SPTBN2: variants seen among roughly 807,000 people sequenced by gnomAD.
The protein encoded by SPTBN2 is spectrin beta, non-erythrocytic 2.
Under a neutral mutation model 284.2 loss-of-function variants are expected in SPTBN2, and 107 were observed. The observed-to-expected ratio is 0.38, with a 90% confidence interval of 0.32 to 0.44. The LOEUF (loss-of-function observed/expected upper bound fraction) is 0.44. SPTBN2 is among the 20% of genes least tolerant of loss of function. The probability of loss-of-function intolerance (pLI) is 1.00; values close to 1 mark genes in which losing one functional copy is unlikely to be tolerated. For synonymous variants in SPTBN2, 1,289 were observed against 1,354.8 expected, an observed-to-expected ratio of 0.95 and a Z score of 1.07; for missense variants, 2,569 against 3,287.1, an observed-to-expected ratio of 0.78 and a Z score of 5.34.
chr11:66,700,566 A>T lies in SPTBN2; in HGVS notation c.3533T>A (p.Leu1178Gln). 5.0e-6 allele frequency: 8 copies of T among 1,607,124 alleles called. No homozygotes were observed. The highest frequency in any genetic ancestry group is 6.8e-6 in the Non-Finnish European group (8 of 1,179,992). The change falls in exon 17 of 38, where the codon CTG (leucine) becomes CAG (glutamine). Residue 1178 changes from leucine (L) to glutamine (Q), a missense_variant. This residue lies in a region of SPTBN2 where 1,012 missense variants were observed against 1,248.9 expected (regional missense o/e 0.81). Coordinates refer to ENST00000533211, the MANE Select transcript of SPTBN2 (RefSeq NM_006946.4). The surrounding 1 kb of genome is among the most constrained non-coding windows in gnomAD (Gnocchi z 6.6). The part of the protein sequence containing the change: ...LAQAHGFQGF[L>Q]RDARQAEGVL... ...GCCCTCAGCCTGACGAGCATCCCGC[A>T]GGAATCCCTGGAAGCCGTGGGCCTG...
At chr11:66,688,563 G>A (rs1940312622) in intron 31 of SPTBN2, 90 bp downstream of exon 31, 2 of 1,546,482 alleles carry the variant, frequency 1.3e-6, no homozygotes, top group East Asian at 2.3e-5. Flanking sequence ...GGTGCAGTGG[G>A]AAGAGAGAAG....
chr11:66,691,702 G>C lies in SPTBN2; in HGVS notation c.5191-44C>G. The C allele has an allele frequency of 1.2e-6, 2 of 1,611,590 alleles. No homozygotes were observed. The highest frequency in any genetic ancestry group is 1.7e-6 in the Non-Finnish European group (2 of 1,179,978). ...GGACAGACCATGCCGTGATGTTAGG[G>C]GATGTGGTCCCTGCCTGATGGAGCG... On this transcript the variant is annotated intron_variant, in intron 26 of 37. Transcript: ENST00000533211. The surrounding 1 kb of genome is among the most constrained non-coding windows in gnomAD (Gnocchi z 8.0).
At chr11:66,703,362 G>T (rs1282027609) in intron 15 of SPTBN2, among the ~76,000 whole-genome samples, 1 of 152,116 alleles carries the variant, frequency 6.6e-6, no homozygotes, top group Non-Finnish European at 1.5e-5. Flanking sequence ...GATTACAGGT[G>T]TGAGCCACCA....
chr11:66,713,867 C>A, intron 7 of SPTBN2, 121 bp from the exon 8 acceptor site: 1 of 931,610 alleles, frequency 1.1e-6, no homozygotes. Flanking sequence ...AGTAGGCATC[C>A]CAAACCCACA....
intron 1 of SPTBN2, among the ~76,000 whole-genome samples, chr11:66,723,953 G>A (rs1452740864): frequency 6.6e-6 from 1 of 152,080 alleles, no homozygotes; most frequent in Non-Finnish European, 1.5e-5. Flanking sequence ...TCAGCTCTGG[G>A]ATGGACATCT....
At position 66,710,822 on chromosome 11, in the gene SPTBN2, CAGTCCTGCAGCTCCACCCTGCCCT is replaced by C; in HGVS notation, c.885+71_886-54del. ...AGTCCCAGCCACAGGGTCCCTGGCC[CAGTCCTGCAGCTCCACCCTGCCCT>C]TGCACTAGGGCAGTAAGACCCCTCA... On this transcript the variant is annotated intron_variant, in intron 9 of 37. Transcript: ENST00000533211. This position sits in a 1 kb window ranked among gnomAD's most constrained non-coding sequence, Gnocchi z 4.9. The C allele has an allele frequency of 6.2e-7, 1 of 1,612,108 alleles. No individual in the cohort carries two copies. Among genetic ancestry groups the C allele is most frequent in the South Asian group, 1.1e-5 (1 of 90,976 alleles).
chr11:66,705,845 G>A lies in SPTBN2; in HGVS notation c.1654-8C>T, dbSNP rs1166677136. On this transcript the variant is annotated splice_polypyrimidine_tract_variant and splice_region_variant and intron_variant, in intron 13 of 37. Coordinates refer to ENST00000533211, the MANE Select transcript of SPTBN2 (RefSeq NM_006946.4). ...CTGAGACTGCAGCCGGCCCTGCCAG[G>A]CACACATGAAGTGCACATGCCCGCC... The A allele has an allele frequency of 6.2e-7, 1 of 1,611,812 alleles. No homozygotes were observed. Among genetic ancestry groups the A allele is most frequent in the South Asian group, 1.1e-5 (1 of 90,866 alleles).
rs1036502577 is a variant in SPTBN2 at position 66,692,705 on chromosome 11, T to A, written c.5021A>T (p.Lys1674Met). The change falls in exon 26 of 38, where the codon AAG becomes ATG. Residue 1674 changes from lysine (K) to methionine (M), a missense_variant. Physicochemically the swap from Lys to Met is moderately conservative, Grantham distance 95. Transcript: ENST00000533211. ...CAGCTCCTTCAGGCCGGCATACAGC[T>A]TGTCCACCTGGGCTTGGCGGATGGA... ...RISIRQAQVD[K>M]LYAGLKELAG... 1.9e-6 allele frequency: 3 copies of A among 1,603,738 alleles called. No homozygotes were observed. Among genetic ancestry groups the A allele is most frequent in the Non-Finnish European group, 2.5e-6 (3 of 1,179,940 alleles).
chr11:66,720,193 G>C (rs1942330423), intron 3 of SPTBN2, among the ~76,000 whole-genome samples: 1 of 152,086 alleles, frequency 6.6e-6, no homozygotes, highest in Non-Finnish European at 1.5e-5. Context: ...TCTTCTTCTA[G>C]TGGCCAACCC....
In SPTBN2 at chr11:66,705,822, G is replaced by C. The variant is rs768299832; in HGVS notation, c.1669C>G (p.Gln557Glu). Residue 557 changes from glutamine (Q) to glutamate (E), a missense_variant, in exon 14 of 38, where the codon CAG (glutamine) becomes GAG (glutamate). Gln to Glu is a conservative substitution (Grantham distance 29). This residue lies in a region of SPTBN2 where 1,012 missense variants were observed against 1,248.9 expected (regional missense o/e 0.81). Coordinates refer to ENST00000533211, the MANE Select transcript of SPTBN2 (RefSeq NM_006946.4). Reference protein sequence around the residue: ...MEEMKGRLQSQDLGRHLAGVE... With the variant: ...MEEMKGRLQSEDLGRHLAGVE... Reference sequence around the variant, plus strand: ...CCTGCTAGGTGCCTGCCCAGGTCCTGAGACTGCAGCCGGCCCTGCCAGGCA... The same window carrying C: ...CCTGCTAGGTGCCTGCCCAGGTCCTCAGACTGCAGCCGGCCCTGCCAGGCA... 1.2e-6 allele frequency: 2 copies of C among 1,612,342 alleles called. No homozygotes were observed. The highest frequency in any genetic ancestry group is 1.1e-5 in the South Asian group (1 of 90,972).
At position 66,718,271 on chromosome 11, in the gene SPTBN2, T is replaced by C. The variant is rs1300462911; in HGVS notation, c.158-2290A>G. Among the ~76,000 whole-genome samples the C allele has an allele frequency of 6.6e-6, 1 of 152,218 alleles. No homozygotes were observed. The highest frequency in any genetic ancestry group is 2.4e-5 in the African/African-American group (1 of 41,456). On this transcript the variant is annotated intron_variant, in intron 3 of 37. Transcript: ENST00000533211. This position sits in a 1 kb window ranked among gnomAD's most constrained non-coding sequence, Gnocchi z 4.8. ...TCCCCATTCCGTTGACATCTGTGTA[T>C]TTTCCGGCCTCTTGTAATTATCCCC...
rs980317076 is a variant in SPTBN2, at chr11:66,689,695, G to T, written c.5949+110C>A. On this transcript the variant is annotated intron_variant, in intron 29 of 37. Transcript: ENST00000533211. ...ACCCGTGAATGGCACTGAGGGGAGA[G>T]AATGAAAGGTTTCTTGCAAAGAGAG... 4 of 1,520,470 alleles carry T rather than the reference G, an allele frequency of 2.6e-6. No homozygotes were observed. In the Admixed American group the frequency reaches 5.0e-5, roughly 19 times the overall value. 94.2% of individuals were successfully genotyped at this position (1,520,470 alleles called of 1,614,324 possible). A position where few individuals can be genotyped will look rare whatever the true frequency, so the allele number is the denominator to read the frequency against.
At chr11:66,706,875 G>T (rs1941590785) in intron 13 of SPTBN2, among the ~76,000 whole-genome samples, 2 of 152,306 alleles carry the variant, frequency 1.3e-5, no homozygotes, top group South Asian at 4.1e-4. Context: ...CAAGTGATCT[G>T]CCTGCCTTGG....
At chr11:66,698,251 C>T (rs975556871) in intron 20 of SPTBN2, among the ~76,000 whole-genome samples, 2 of 152,214 alleles carry the variant, frequency 1.3e-5, no homozygotes, top group South Asian at 2.1e-4. Flanking sequence ...TGCACTACAA[C>T]GACAGAGATG....
At chr11:66,738,195 A>G (rs762376155) in intron 1 of SPTBN2, among the ~76,000 whole-genome samples, 15 of 152,228 alleles carry the variant, frequency 9.9e-5, no homozygotes, top group Non-Finnish European at 1.8e-4. Flanking sequence ...AGCTTGGGCA[A>G]TAAGAGCAAA....
At chr11:66,702,953 A>C (rs1206861846) in intron 15 of SPTBN2, among the ~76,000 whole-genome samples, 7 of 151,374 alleles carry the variant, frequency 4.6e-5, no homozygotes, top group Admixed American at 4.6e-4. Context: ...AAAAAAAAAA[A>C]AAAAAAACCA....
chr11:66,686,023 C>T lies in SPTBN2; in HGVS notation c.7021G>A (p.Val2341Met), dbSNP rs774502049. 1 of 1,613,634 alleles carries T rather than the reference C, an allele frequency of 6.2e-7. No homozygotes were observed. The highest frequency in any genetic ancestry group is 1.3e-5 in the African/African-American group (1 of 74,912). The change falls in exon 38 of 38, where the codon GTG (valine) becomes ATG (methionine). Residue 2341 changes from valine to methionine, a missense_variant. Physicochemically the swap from Val to Met is conservative, Grantham distance 21. Around this residue, in one of 6 missense-constraint regions of SPTBN2, gnomAD observed 1,130 missense variants for 1,317.3 expected, o/e 0.86. Coordinates refer to ENST00000533211, the MANE Select transcript of SPTBN2 (RefSeq NM_006946.4). Reference sequence around the variant, plus strand: ...ATGCCCCGGGTGGTGCTGGGCACCACCGGCTCTTCAGGCTCTCCAGAGGCA... The same window carrying T: ...ATGCCCCGGGTGGTGCTGGGCACCATCGGCTCTTCAGGCTCTCCAGAGGCA... ...SSASGEPEEPVVPSTTRGMTR... is the reference protein window; with the variant it reads ...SSASGEPEEPMVPSTTRGMTR...
At chr11:66,690,009 C>T (rs1346324507) in intron 28 of SPTBN2, 30 bp downstream of exon 28, 30 of 1,614,114 alleles carry the variant, frequency 1.9e-5, no homozygotes, top group Non-Finnish European at 2.3e-5. Flanking sequence ...CCACACAACC[C>T]GTGGAGGCCC....
At position 66,715,085 on chromosome 11, in the gene SPTBN2, A is replaced by G; in HGVS notation, c.483+137T>C. The G allele has an allele frequency of 9.0e-7, 1 of 1,113,248 alleles. No individual in the cohort carries two copies. Among genetic ancestry groups the G allele is most frequent in the Non-Finnish European group, 1.3e-6 (1 of 760,662 alleles). 69.0% of individuals were successfully genotyped at this position (1,113,248 alleles called of 1,614,324 possible). A position where few individuals can be genotyped will look rare whatever the true frequency, so the allele number is the denominator to read the frequency against. On this transcript the variant is annotated intron_variant, in intron 5 of 37. Transcript: ENST00000533211. This position sits in a 1 kb window ranked among gnomAD's most constrained non-coding sequence, Gnocchi z 5.3. ...GAGTCCACTGATCTGGTGCTTGGAT[A>G]GCGCCGCCATGGCAGCTGCTACATA...
Sources: allele counts gnomAD v4.1 joint callset (sites outside exome capture counted in the v4.1 genomes callset), GRCh38; gene constraint gnomAD v4.1.1; regional missense constraint gnomAD v4.1.1; non-coding constraint Gnocchi (gnomAD v3.1); transcripts MANE v1.5; gene names NCBI Gene and HGNC (gene_info 2026-07-23, HGNC 2026-07-21).